LRRC63: variants seen among roughly 807,000 people sequenced by gnomAD.
The protein encoded by LRRC63 is leucine-rich repeat-containing protein 63.
Under a neutral mutation model 49.5 loss-of-function variants are expected in LRRC63, and 40 were observed. The ratio of observed to expected loss-of-function variants is 0.81; its 90% CI spans 0.63 to 1.05. The LOEUF (loss-of-function observed/expected upper bound fraction) is 1.05, where lower values mean the gene tolerates loss of function less well. Ranked by LOEUF, LRRC63 falls within the 50% of genes least tolerant of loss-of-function variation. The pLI is 0.00. For synonymous variants in LRRC63, 191 were observed against 221.1 expected (o/e 0.86, Z 1.21); for missense variants, 636 against 663.1 (o/e 0.96, Z 0.45).
intron 8 of LRRC63, among the ~76,000 whole-genome samples, chr13:46,262,740 G>T (rs1327715381): frequency 4.0e-5 from 6 of 151,850 alleles, no homozygotes; most frequent in African/African-American, 1.2e-4. Flanking sequence ...AGTGTTTTAT[G>T]ATTGTGATTG....
intron 4 of LRRC63, among the ~76,000 whole-genome samples, chr13:46,230,551 C>G (rs2046719363): frequency 6.6e-6 from 1 of 152,150 alleles, no homozygotes; most frequent in African/African-American, 2.4e-5. Flanking sequence ...TGATGTAGGT[C>G]CAAGAGCCCA....
intron 7 of LRRC63, among the ~76,000 whole-genome samples, chr13:46,257,814 T>G (rs559057779): frequency 6.6e-5 from 10 of 152,326 alleles, no homozygotes; most frequent in African/African-American, 2.4e-4. Flanking sequence ...GAAAAATGGT[T>G]GTTTATTTTG....
At chr13:46,244,571 G>C (rs1260459402) in intron 5 of LRRC63, among the ~76,000 whole-genome samples, 1 of 152,118 alleles carries the variant, frequency 6.6e-6, no homozygotes, top group African/African-American at 2.4e-5. Flanking sequence ...GGTGTTTGAG[G>C]ACAGCCTAGG....
chr13:46,228,690 T>A (rs1168905723), exon 4 of LRRC63: 9 of 1,545,902 alleles, frequency 5.8e-6, no homozygotes, highest in Middle Eastern at 1.7e-4. Flanking sequence ...AAAATGGAAA[T>A]ATAGAAAGTG....
rs531667584 is a variant in LRRC63 at position 46,236,972 on chromosome 13, A to G, written c.990+2623A>G. 1.1e-4 allele frequency among the ~76,000 whole-genome samples: 16 copies of G among 152,306 alleles called. No homozygotes were observed. The East Asian group carries it at 2.7e-3, about 26-fold the overall frequency. On this transcript the variant is annotated intron_variant, in intron 5 of 9. Coordinates refer to ENST00000595396, the Ensembl canonical transcript of LRRC63. The stretch of plus-strand genomic sequence containing the variant: ...GTGCCATTGGAGTTAATTTGGTATC[A>G]ATCCAAACTACATTGTTGTAAATTT...
intron 2 of LRRC63, among the ~76,000 whole-genome samples, chr13:46,214,463 C>T (rs924440310): frequency 2.6e-5 from 4 of 152,068 alleles, no homozygotes; most frequent in African/African-American, 9.7e-5. Context: ...CTTGTAGTTT[C>T]TCCATTCATC....
At chr13:46,262,604 G>A (rs961785338) in intron 8 of LRRC63, among the ~76,000 whole-genome samples, 8 of 151,798 alleles carry the variant, frequency 5.3e-5, no homozygotes, top group African/African-American at 1.9e-4. Flanking sequence ...TCATAAATTT[G>A]GGAGAATTTA....
chr13:46,267,568 C>T (rs1196242664), intron 9 of LRRC63, among the ~76,000 whole-genome samples: 2 of 152,050 alleles, frequency 1.3e-5, no homozygotes, highest in Non-Finnish European at 2.9e-5. Context: ...TGCTATGTGC[C>T]TAAGTAAAAT....
intron 7 of LRRC63, among the ~76,000 whole-genome samples, chr13:46,254,291 AT>A (rs112018962): frequency 2.0e-5 from 3 of 152,230 alleles, no homozygotes; most frequent in Middle Eastern, 3.4e-3. Flanking sequence ...TCTTAGAAAC[AT>A]TTTTATTGTT....
chr13:46,232,097 G>A (rs1442291172), intron 4 of LRRC63, among the ~76,000 whole-genome samples: 3 of 152,116 alleles, frequency 2.0e-5, no homozygotes, highest in Non-Finnish European at 4.4e-5. Flanking sequence ...TTACAGGCGT[G>A]AGCCACTGCG....
At position 46,261,906 on chromosome 13, in the gene LRRC63, A is replaced by C; in HGVS notation, c.1227-3A>C. On this transcript the variant is annotated splice_polypyrimidine_tract_variant and splice_region_variant and intron_variant, in intron 7 of 9. Coordinates refer to ENST00000595396, the Ensembl canonical transcript of LRRC63. ...TACAATTAATTTTCTCTTTCTATTT[A>C]AGGTTATTTTCCTTGTCTTATCTTG... The C allele has an allele frequency of 1.1e-6, 1 of 946,060 alleles. No homozygotes were observed. The highest frequency in any genetic ancestry group is 1.4e-6 in the Non-Finnish European group (1 of 708,404). 58.6% of individuals were successfully genotyped at this position (946,060 alleles called of 1,614,324 possible). A position where few individuals can be genotyped will look rare whatever the true frequency, so the allele number is the denominator to read the frequency against.
At chr13:46,253,138 A>G (rs528770236) in intron 7 of LRRC63, among the ~76,000 whole-genome samples, 1 of 152,080 alleles carries the variant, frequency 6.6e-6, no homozygotes, top group Non-Finnish European at 1.5e-5. Flanking sequence ...GGAGGAACAA[A>G]TTGTTATGAA....
At chr13:46,267,813 T>C (rs2138585740) in intron 9 of LRRC63, among the ~76,000 whole-genome samples, 1 of 152,224 alleles carries the variant, frequency 6.6e-6, no homozygotes, top group East Asian at 1.9e-4. Flanking sequence ...ATAACCTAAC[T>C]AGTGTGTGGT....
chr13:46,255,645 A>AAAAAAAAAAAAAAAAAATATATATAT (rs1555328641), intron 7 of LRRC63, among the ~76,000 whole-genome samples: 5 of 129,466 alleles, frequency 3.9e-5, no homozygotes, highest in African/African-American at 1.5e-4. Context: ...CCCTGCCTCA[A>AAAAAAAAAAAAAAAAAATATATATAT]ATATATATAT....
intron 2 of LRRC63, among the ~76,000 whole-genome samples, chr13:46,215,750 G>T (rs2046233218): frequency 6.6e-6 from 1 of 152,066 alleles, no homozygotes; most frequent in Admixed American, 6.5e-5. Flanking sequence ...ATGGTTTTAG[G>T]TCTTACATTT....
chr13:46,212,545 A>G (rs1796933041), intron 1 of LRRC63, among the ~76,000 whole-genome samples: 1 of 152,224 alleles, frequency 6.6e-6, no homozygotes, highest in African/African-American at 2.4e-5. Context: ...ATGGTTAGAT[A>G]TGGTGGGTCT....
At chr13:46,275,886 G>A (rs2047829493) in intron 9 of LRRC63, among the ~76,000 whole-genome samples, 1 of 152,142 alleles carries the variant, frequency 6.6e-6, no homozygotes, top group African/African-American at 2.4e-5. Flanking sequence ...TCAATGTCCT[G>A]AAACATTTCC....
intron 9 of LRRC63, among the ~76,000 whole-genome samples, chr13:46,275,367 C>T (rs551695819): frequency 4.3e-4 from 65 of 152,204 alleles, no homozygotes; most frequent in African/African-American, 1.5e-3. Context: ...GTATGATAGC[C>T]TTATTTTTAG....
chr13:46,223,868 A>G (rs554077204), intron 2 of LRRC63, among the ~76,000 whole-genome samples: 1 of 152,286 alleles, frequency 6.6e-6, no homozygotes, highest in African/African-American at 2.4e-5. Flanking sequence ...AAACAAAAAC[A>G]AAACAACAAC....
Sources: allele counts gnomAD v4.1 joint callset (sites outside exome capture counted in the v4.1 genomes callset), GRCh38; gene constraint gnomAD v4.1.1; transcripts MANE v1.5; gene names NCBI Gene and HGNC (gene_info 2026-07-23, HGNC 2026-07-21).